Variants in ADAM28 observed in about 807,000 individuals in gnomAD.
ADAM28 encodes the protein ADAM metallopeptidase domain 28.
Under a neutral mutation model 101.2 loss-of-function variants are expected in ADAM28, and 105 were observed. The observed-to-expected ratio is 1.04, with a 90% CI of 0.89 to 1.22. The LOEUF (loss-of-function observed/expected upper bound fraction) is 1.22, where lower values mean the gene tolerates loss of function less well. Ranked by LOEUF, ADAM28 falls within the 50% of genes most tolerant of loss-of-function variation. The probability of loss-of-function intolerance (pLI) is 0.00; values close to 1 mark genes in which losing one functional copy is unlikely to be tolerated. For synonymous variants in ADAM28, 322 were observed against 310.6 expected (o/e 1.04, Z -0.39); for missense variants, 1,028 against 945.4 (o/e 1.09, Z -1.15).
At chr8:24,301,656 CTGTT>C (rs1341764526) in intron 2 of ADAM28, among the ~76,000 whole-genome samples, 1 of 152,168 alleles carries the variant, frequency 6.6e-6, no homozygotes, top group African/African-American at 2.4e-5. Context: ...ATTCAAACCT[CTGTT>C]TGACTCCAAA....
At chr8:24,331,469 G>GA in intron 12 of ADAM28, 142 bp downstream of exon 12, 1 of 835,964 alleles carries the variant, frequency 1.2e-6, no homozygotes. Flanking sequence ...TATTTTCCAG[G>GA]AAAATCTTTC....
rs1247293036 is a variant in ADAM28, at chr8:24,355,850, T to G, written c.*1446T>G. The G allele has an allele frequency of 6.6e-6, 1 of 152,174 alleles. No individual in the cohort carries two copies. The highest frequency in any genetic ancestry group is 2.4e-5 in the African/African-American group (1 of 41,442). 9.4% of individuals were successfully genotyped at this position (152,174 alleles called of 1,614,324 possible). A position where few individuals can be genotyped will look rare whatever the true frequency, so the allele number is the denominator to read the frequency against. ...TTTCTCTCACTTTCAACAGAGATCA[T>G]CCTAACTAGTAAAGTAGCTGTTTCC... On this transcript the variant is annotated 3_prime_UTR_variant, in exon 23 of 23. Transcript: ENST00000265769.
intron 14 of ADAM28, among the ~76,000 whole-genome samples, chr8:24,337,436 C>T (rs544012107): frequency 2.0e-5 from 3 of 152,174 alleles, no homozygotes; most frequent in South Asian, 2.1e-4. Context: ...CTCCTTTGTC[C>T]GACTTTATGA....
At chr8:24,340,317 C>G (rs1407179131) in intron 15 of ADAM28, among the ~76,000 whole-genome samples, 1 of 152,068 alleles carries the variant, frequency 6.6e-6, no homozygotes, top group Non-Finnish European at 1.5e-5. Flanking sequence ...ACAGGTATTA[C>G]CAAACTATAC....
At chr8:24,307,152 A>G (rs1809807270) in intron 2 of ADAM28, among the ~76,000 whole-genome samples, 1 of 152,162 alleles carries the variant, frequency 6.6e-6, no homozygotes, top group Non-Finnish European at 1.5e-5. Context: ...ATTAGCAAAT[A>G]CTATTTGAAA....
intron 19 of ADAM28, 99 bp from the exon 20 acceptor site, chr8:24,351,133 A>G (rs964371359): frequency 1.2e-5 from 12 of 1,012,356 alleles, no homozygotes; most frequent in Admixed American, 8.5e-5. Context: ...GGCAAGAAAG[A>G]CACAATGGGA....
intron 7 of ADAM28, among the ~76,000 whole-genome samples, chr8:24,320,804 G>T (rs1172610837): frequency 6.6e-6 from 1 of 151,964 alleles, no homozygotes; most frequent in East Asian, 1.9e-4. Context: ...AAATGCACAT[G>T]TGTATGAAAA....
chr8:24,350,874 T>G (rs5004377), intron 19 of ADAM28, among the ~76,000 whole-genome samples: 17 of 42,390 alleles, frequency 4.0e-4, no homozygotes, highest in South Asian at 2.8e-3. Flanking sequence ...GTTTTTTTTT[T>G]TTTTTTTTTT....
At chr8:24,322,120 T>G (rs1160414531) in intron 8 of ADAM28, among the ~76,000 whole-genome samples, 1 of 152,008 alleles carries the variant, frequency 6.6e-6, no homozygotes, top group East Asian at 1.9e-4. Context: ...AAAAAAATAA[T>G]ACATTTCCTT....
At chr8:24,351,045 T>C (rs1447734015) in intron 19 of ADAM28, among the ~76,000 whole-genome samples, 187 bp from the exon 20 acceptor site, 1 of 152,020 alleles carries the variant, frequency 6.6e-6, no homozygotes, top group Admixed American at 6.5e-5. Flanking sequence ...TAGTAGTGAT[T>C]ATGAATTACA....
At chr8:24,306,181 A>G (rs1374362449) in intron 2 of ADAM28, among the ~76,000 whole-genome samples, 4 of 151,148 alleles carry the variant, frequency 2.6e-5, no homozygotes, top group Non-Finnish European at 5.9e-5. Flanking sequence ...TACTAAAAAT[A>G]CACACACACA....
chr8:24,310,512 T>C, intron 4 of ADAM28: 1 of 321,542 alleles, frequency 3.1e-6, no homozygotes, highest in South Asian at 4.4e-5. Flanking sequence ...TTCTTGAGAG[T>C]GAAGAGTTAC....
rs916645706 is a variant in ADAM28 at position 24,326,564 on chromosome 8, C to T, written c.901C>T (p.Leu301Phe). ...DIAQLITATE[L>F]AGTTVGLAFM... ...ATTCCTTTCTTGCAGAGCAACAGAA[C>T]TTGCTGGAACGACTGTGGGTCTTGC... Residue 301 changes from leucine to phenylalanine, a missense_variant, in exon 10 of 23, where the codon CTT (leucine) becomes TTT (phenylalanine). Leu to Phe is a conservative substitution (Grantham distance 22). Coordinates refer to ENST00000265769, the MANE Select transcript of ADAM28 (RefSeq NM_014265.6). 1.2e-6 allele frequency: 2 copies of T among 1,611,824 alleles called. No individual in the cohort carries two copies. Among genetic ancestry groups the T allele is most frequent in the African/African-American group, 2.7e-5 (2 of 74,896 alleles).
intron 2 of ADAM28, among the ~76,000 whole-genome samples, chr8:24,307,481 G>T (rs1809853526): frequency 6.6e-6 from 1 of 152,090 alleles, no homozygotes; most frequent in Non-Finnish European, 1.5e-5. Context: ...TTTGGGGGCT[G>T]GGAGTAAAGA....
Position 24,302,165 on chromosome 8 carries a change from T to C in ADAM28, c.150+2088T>C, listed in dbSNP as rs1377053447. On this transcript the variant is annotated intron_variant, in intron 2 of 22. Transcript: ENST00000265769. ...TCCACGTGTTCTCATTGTTCAGCTC[T>C]GAATTATAAGTGAGAACATGTGGTG... Among the ~76,000 whole-genome samples, 4 of 152,188 alleles carry C rather than the reference T, an allele frequency of 2.6e-5. No individual in the cohort carries two copies. In the East Asian group the frequency reaches 7.7e-4, roughly 29 times the overall value.
intron 20 of ADAM28, among the ~76,000 whole-genome samples, 197 bp from the exon 21 acceptor site, chr8:24,351,790 T>C (rs540159454): frequency 2.3e-3 from 13 of 5,770 alleles, no homozygotes. Flanking sequence ...CATTTTTTGA[T>C]GAAAACTTTT....
rs2129327259 is a variant in ADAM28 at position 24,341,701 on chromosome 8, G to A, written c.1774G>A (p.Asp592Asn). The A allele has an allele frequency of 6.2e-7, 1 of 1,613,898 alleles. No homozygotes were observed. ...FLTCKTFDPEDTSQEIGMVAN... is the reference protein window; with the variant it reads ...FLTCKTFDPENTSQEIGMVAN... ...GACATGTAAAACATTTGATCCTGAA[G>A]ACACAAGTCAAGAAATAGGCATGGT... is the stretch of plus-strand genomic sequence containing the variant. Residue 592 changes from aspartate (D) to asparagine (N), a missense_variant, in exon 16 of 23, where the codon GAC becomes AAC. Asp to Asn is a conservative substitution (Grantham distance 23). Coordinates refer to ENST00000265769, the MANE Select transcript of ADAM28 (RefSeq NM_014265.6).
At chr8:24,347,345 A>AT (rs1394434062) in intron 18 of ADAM28, among the ~76,000 whole-genome samples, 2 of 151,972 alleles carry the variant, frequency 1.3e-5, no homozygotes, top group African/African-American at 2.4e-5. Flanking sequence ...TTGGACTGTG[A>AT]TTTTTTCATA....
At chr8:24,334,021 G>A (rs1201990566) in intron 13 of ADAM28, among the ~76,000 whole-genome samples, 1 of 152,082 alleles carries the variant, frequency 6.6e-6, no homozygotes, top group Non-Finnish European at 1.5e-5. Context: ...TGTTTTTAAT[G>A]TCAGAGAGAG....
Sources: gnomAD v4.1 joint callset for allele counts (sites outside exome capture counted in the v4.1 genomes callset) on GRCh38, gnomAD v4.1.1 for gene constraint, MANE v1.5 for transcripts, NCBI Gene and HGNC (gene_info 2026-07-23, HGNC 2026-07-21) for gene names.